The following ADAMTS17 variants were observed in gnomAD, a reference collection of about 807,000 sequenced individuals.
ADAMTS17 encodes the protein A disintegrin and metalloproteinase with thrombospondin motifs 17.
ADAMTS17 carries 113 observed loss-of-function variants against 141.5 expected under a neutral mutation model. The ratio of observed to expected loss-of-function variants is 0.80; its 90% CI spans 0.69 to 0.93. The LOEUF (loss-of-function observed/expected upper bound fraction) is 0.93, where lower values mean the gene tolerates loss of function less well. ADAMTS17 is among the 40% of genes least tolerant of loss of function. The pLI, the probability that ADAMTS17 is intolerant of heterozygous loss-of-function variation, is 0.00. For missense variants in ADAMTS17, 1,659 were observed against 1,517.9 expected, an observed-to-expected ratio of 1.09 and a Z score of -1.54; for synonymous variants, 768 against 630.6, an observed-to-expected ratio of 1.22 and a Z score of -3.27.
At chr15:100,146,826 G>A (rs936133524) in intron 10 of ADAMTS17, among the ~76,000 whole-genome samples, 2 of 68,728 alleles carry the variant, frequency 2.9e-5, no homozygotes, top group Non-Finnish European at 7.3e-5. Flanking sequence ...GGTCGAGACT[G>A]CAGAGGTGAA....
chr15:100,132,430 G>A (rs1163265626), intron 11 of ADAMTS17, among the ~76,000 whole-genome samples: 1 of 152,154 alleles, frequency 6.6e-6, no homozygotes, highest in Admixed American at 6.5e-5. Context: ...ATGAATCTAC[G>A]TAGCTCTTGA....
At chr15:100,009,623 C>T (rs533881154) in intron 18 of ADAMTS17, among the ~76,000 whole-genome samples, 27 of 152,168 alleles carry the variant, frequency 1.8e-4, no homozygotes, top group Non-Finnish European at 3.2e-4. Flanking sequence ...TGACACTCCA[C>T]AGGCCCGATC....
chr15:100,061,739 G>A (rs566470096), intron 15 of ADAMTS17, among the ~76,000 whole-genome samples: 1 of 152,366 alleles, frequency 6.6e-6, no homozygotes, highest in Non-Finnish European at 1.5e-5. Context: ...CGGAAGCCAA[G>A]GGACTTACTC....
At chr15:100,156,516 A>G (rs1234872671) in intron 8 of ADAMTS17, among the ~76,000 whole-genome samples, 1 of 152,130 alleles carries the variant, frequency 6.6e-6, no homozygotes, top group Non-Finnish European at 1.5e-5. Flanking sequence ...CCCACATGTG[A>G]CTTCCCCCGT....
chr15:100,070,989 C>A (rs4965580), intron 15 of ADAMTS17, among the ~76,000 whole-genome samples: 28,349 of 149,638 alleles, frequency 0.19, 4,323 homozygotes, highest in East Asian at 0.54. Context: ...AATTGACAGA[C>A]CACTAGCAAG....
intron 15 of ADAMTS17, among the ~76,000 whole-genome samples, chr15:100,058,916 A>G (rs2141637352): frequency 6.6e-6 from 1 of 152,308 alleles, no homozygotes; most frequent in Middle Eastern, 3.4e-3. Context: ...ATGGGAAGGA[A>G]CATACTGGAC....
intron 7 of ADAMTS17, among the ~76,000 whole-genome samples, chr15:100,210,264 T>C (rs1041279182): frequency 9.2e-5 from 11 of 119,166 alleles, no homozygotes; most frequent in African/African-American, 3.6e-4. Flanking sequence ...AAAAAAGAAG[T>C]GAGCTGGAAC....
chr15:100,069,014 C>T (rs958107593), intron 15 of ADAMTS17, among the ~76,000 whole-genome samples: 32 of 152,240 alleles, frequency 2.1e-4, no homozygotes, highest in African/African-American at 7.7e-4. Context: ...ACATGAATGG[C>T]TAACTAGAAT....
At chr15:100,043,875 A>G (rs926079413) in intron 18 of ADAMTS17, among the ~76,000 whole-genome samples, 2 of 152,280 alleles carry the variant, frequency 1.3e-5, no homozygotes, top group African/African-American at 4.8e-5. Context: ...CCATCAAGCC[A>G]GAATGACTCT....
At chr15:100,099,953 T>C (rs554496515) in intron 14 of ADAMTS17, among the ~76,000 whole-genome samples, 1 of 152,328 alleles carries the variant, frequency 6.6e-6, no homozygotes, top group South Asian at 2.1e-4. Flanking sequence ...ACTTTGCCCC[T>C]GTTGAAGATA....
intron 4 of ADAMTS17, among the ~76,000 whole-genome samples, chr15:100,273,351 T>C (rs1200073744): frequency 6.6e-6 from 1 of 152,142 alleles, no homozygotes; most frequent in Non-Finnish European, 1.5e-5. Flanking sequence ...TATTAGGAGG[T>C]TTTTGATTAC....
intron 8 of ADAMTS17, among the ~76,000 whole-genome samples, chr15:100,184,572 G>C (rs945128584): frequency 6.6e-6 from 1 of 152,198 alleles, no homozygotes; most frequent in Non-Finnish European, 1.5e-5. Context: ...ATGATGTGTG[G>C]CAAAGCTACC....
chr15:100,179,637 T>C (rs1316849118), intron 8 of ADAMTS17, among the ~76,000 whole-genome samples: 2 of 152,244 alleles, frequency 1.3e-5, no homozygotes, highest in African/African-American at 4.8e-5. Context: ...TTCTCCATAG[T>C]GGTGGTACTA....
chr15:100,283,503 C>T (rs964094342), intron 3 of ADAMTS17, among the ~76,000 whole-genome samples: 2 of 152,230 alleles, frequency 1.3e-5, no homozygotes, highest in Non-Finnish European at 2.9e-5. Context: ...AGCACACCCT[C>T]GTTCTCCCAG....
At chr15:100,293,891 G>A (rs925304784) in intron 3 of ADAMTS17, among the ~76,000 whole-genome samples, 1 of 152,168 alleles carries the variant, frequency 6.6e-6, no homozygotes, top group Non-Finnish European at 1.5e-5. Context: ...TAACATAAAT[G>A]TCCTGAAATG....
intron 15 of ADAMTS17, among the ~76,000 whole-genome samples, chr15:100,061,257 C>T (rs1191567531): frequency 1.3e-5 from 2 of 152,284 alleles, no homozygotes; most frequent in South Asian, 2.1e-4. Flanking sequence ...TGAACGGCAG[C>T]GAAATCAGAG....
intron 19 of ADAMTS17, among the ~76,000 whole-genome samples, chr15:99,996,312 G>C (rs2060801423): frequency 6.6e-6 from 1 of 152,052 alleles, no homozygotes; most frequent in African/African-American, 2.4e-5. Context: ...CTTCGATCAA[G>C]AGCCAGGCAA....
At chr15:100,041,368 G>A (rs2031238595) in intron 18 of ADAMTS17, among the ~76,000 whole-genome samples, 1 of 152,186 alleles carries the variant, frequency 6.6e-6, no homozygotes, top group African/African-American at 2.4e-5. Context: ...TTTTTCAAGT[G>A]GCTAATAAGC....
chr15:99,995,770 T>G (rs2060789144), intron 19 of ADAMTS17, among the ~76,000 whole-genome samples: 1 of 152,208 alleles, frequency 6.6e-6, no homozygotes, highest in African/African-American at 2.4e-5. Flanking sequence ...AGTACCAGCT[T>G]CGCGAGCTTC....
Sources: gnomAD v4.1 joint callset for allele counts (sites outside exome capture counted in the v4.1 genomes callset) on GRCh38, gnomAD v4.1.1 for gene constraint, MANE v1.5 for transcripts, NCBI Gene and HGNC (gene_info 2026-07-23, HGNC 2026-07-21) for gene names.